Variants in CDH4 observed in about 807,000 individuals in gnomAD.
CDH4 encodes the protein cadherin-4.
A neutral mutation model predicts 86.0 loss-of-function variants in CDH4; 33 were observed. The ratio of observed to expected loss-of-function variants is 0.38; its 90% confidence interval spans 0.29 to 0.51. The LOEUF (loss-of-function observed/expected upper bound fraction) is 0.51, where lower values mean the gene tolerates loss of function less well. CDH4 is among the 20% of genes least tolerant of loss of function. The pLI is 0.86. For missense variants in CDH4, 1,114 were observed against 1,307.4 expected, an observed-to-expected ratio of 0.85 and a Z score of 2.28; for synonymous variants, 555 against 549.4, an observed-to-expected ratio of 1.01 and a Z score of -0.14.
chr20:61,477,747 C>CTGAG (rs1424342055), intron 2 of CDH4, among the ~76,000 whole-genome samples: 1 of 152,206 alleles, frequency 6.6e-6, no homozygotes, highest in Non-Finnish European at 1.5e-5. Context: ...TGTCTTTTCC[C>CTGAG]TGAGGGAGAA....
intron 6 of CDH4, among the ~76,000 whole-genome samples, chr20:61,855,285 G>C (rs1456111273): frequency 1.3e-5 from 2 of 152,322 alleles, no homozygotes. Flanking sequence ...TTGCACCCTT[G>C]ATTGGTTGTC....
intron 2 of CDH4, among the ~76,000 whole-genome samples, chr20:61,296,201 T>TGA (rs894738960): frequency 6.6e-6 from 1 of 151,490 alleles, no homozygotes; most frequent in Non-Finnish European, 1.5e-5. Context: ...TGTGTGTGTG[T>TGA]GAGAGAGAGA....
At position 61,817,384 on chromosome 20, in the gene CDH4, G is replaced by C. The variant is rs757563480; in HGVS notation, c.577-27284G>C. Among the ~76,000 whole-genome samples the C allele has an allele frequency of 3.3e-5, 5 of 152,268 alleles. No individual in the cohort carries two copies. In the East Asian group the frequency reaches 9.7e-4, roughly 29 times the overall value. The stretch of plus-strand genomic sequence containing the variant: ...CTCTGGGCTTAGCCTACCCAGATCC[G>C]AGCTCTGCCTTGTTCCCAGTTGGTC... On this transcript the variant is annotated intron_variant, in intron 4 of 15. Transcript: ENST00000614565.
chr20:61,397,288 C>G (rs1204528163), intron 2 of CDH4, among the ~76,000 whole-genome samples: 1 of 152,082 alleles, frequency 6.6e-6, no homozygotes, highest in Admixed American at 6.6e-5. Context: ...AAGTTTCTTG[C>G]GACGAATGGA....
intron 2 of CDH4, among the ~76,000 whole-genome samples, chr20:61,565,177 G>GAT (rs2086263718): frequency 1.0e-5 from 1 of 96,378 alleles, no homozygotes; most frequent in Non-Finnish European, 2.2e-5. Context: ...ATGGGGTGGT[G>GAT]GTGGTGGTGG....
At chr20:61,425,649 C>T (rs1000928062) in intron 2 of CDH4, among the ~76,000 whole-genome samples, 16 of 152,328 alleles carry the variant, frequency 1.1e-4, no homozygotes, top group East Asian at 5.8e-4. Flanking sequence ...ACCCGGGTGA[C>T]GGCGCAGCCT....
intron 2 of CDH4, among the ~76,000 whole-genome samples, chr20:61,307,180 G>A (rs775769185): frequency 1.8e-4 from 27 of 152,204 alleles, no homozygotes; most frequent in African/African-American, 5.3e-4. Flanking sequence ...TGCTGAGGTC[G>A]GGGATGCAAA....
chr20:61,909,281 G>A (rs992857562), intron 8 of CDH4, among the ~76,000 whole-genome samples: 1 of 152,182 alleles, frequency 6.6e-6, no homozygotes, highest in Non-Finnish European at 1.5e-5. Flanking sequence ...ATCACAGAGC[G>A]CTGCTCAGCC....
At chr20:61,668,976 A>G (rs985481184) in intron 2 of CDH4, among the ~76,000 whole-genome samples, 11 of 152,190 alleles carry the variant, frequency 7.2e-5, no homozygotes, top group Admixed American at 1.3e-4. Context: ...CTGGGAAGCC[A>G]GTGGGACAGG....
At position 61,866,536 on chromosome 20, in the gene CDH4, T is replaced by TGTGCGCCCAGAC. The variant is rs1366839960; in HGVS notation, c.878-7192_878-7191insGTGCGCCCAGAC. On this transcript the variant is annotated intron_variant, in intron 6 of 15. Coordinates refer to ENST00000614565, the MANE Select transcript of CDH4 (RefSeq NM_001794.5). ...TTGCACATTTGACATGTGGAAAATG[T>TGTGCGCCCAGAC]CTTCCTTTCATTTCTTTGATCAATA... is the stretch of plus-strand genomic sequence containing the variant. Among the ~76,000 whole-genome samples the TGTGCGCCCAGAC allele has an allele frequency of 7.2e-5, 11 of 152,314 alleles. No homozygotes were observed. The East Asian group carries it at 1.5e-3, about 21-fold the overall frequency.
chr20:61,314,307 A>T (rs1489734115), intron 2 of CDH4, among the ~76,000 whole-genome samples: 1 of 152,164 alleles, frequency 6.6e-6, no homozygotes, highest in Non-Finnish European at 1.5e-5. Flanking sequence ...CCATTGTTCT[A>T]TTCTCTGCTT....
intron 2 of CDH4, among the ~76,000 whole-genome samples, chr20:61,519,610 G>A (rs796586847): frequency 1.7e-4 from 26 of 152,366 alleles, no homozygotes; most frequent in African/African-American, 5.5e-4. Context: ...AGGGCTCATA[G>A]CACTGGCCAG....
chr20:61,347,811 A>G (rs989453643), intron 2 of CDH4, among the ~76,000 whole-genome samples: 2 of 152,202 alleles, frequency 1.3e-5, no homozygotes, highest in African/African-American at 4.8e-5. Context: ...CTTCAACTTC[A>G]GCTGATTTGA....
intron 7 of CDH4, among the ~76,000 whole-genome samples, chr20:61,875,532 G>A (rs148364779): frequency 9.8e-5 from 15 of 152,308 alleles, no homozygotes; most frequent in South Asian, 2.1e-4. Context: ...GGCAGGCAGC[G>A]TGAGGGCTGG....
At chr20:61,369,306 C>A (rs2084827100) in intron 2 of CDH4, among the ~76,000 whole-genome samples, 1 of 151,730 alleles carries the variant, frequency 6.6e-6, no homozygotes, top group Non-Finnish European at 1.5e-5. Flanking sequence ...CAAAAATTAG[C>A]CAGGTGTGGT....
intron 3 of CDH4, among the ~76,000 whole-genome samples, chr20:61,751,138 G>T (rs1350561428): frequency 1.3e-5 from 2 of 152,184 alleles, no homozygotes; most frequent in Non-Finnish European, 2.9e-5. Context: ...TAATGGAAAT[G>T]GAAAGGGCGA....
At chr20:61,886,165 G>C (rs1984530391) in intron 7 of CDH4, among the ~76,000 whole-genome samples, 1 of 152,218 alleles carries the variant, frequency 6.6e-6, no homozygotes, top group Non-Finnish European at 1.5e-5. Context: ...ACCATCCCTA[G>C]ATGGTGGCTG....
At chr20:61,885,830 C>T (rs907594177) in intron 7 of CDH4, among the ~76,000 whole-genome samples, 5 of 152,172 alleles carry the variant, frequency 3.3e-5, no homozygotes, top group African/African-American at 1.2e-4. Flanking sequence ...AGAGCAGGAC[C>T]CAGATCTCTG....
At chr20:61,863,055 G>C (rs926125814) in intron 6 of CDH4, among the ~76,000 whole-genome samples, 1 of 152,204 alleles carries the variant, frequency 6.6e-6, no homozygotes, top group Admixed American at 6.5e-5. Context: ...TCTAGCCTCA[G>C]TGATTTGAAC....
Sources: gnomAD v4.1 joint callset for allele counts (sites outside exome capture counted in the v4.1 genomes callset) on GRCh38, gnomAD v4.1.1 for gene constraint, MANE v1.5 for transcripts, NCBI Gene and HGNC (gene_info 2026-07-23, HGNC 2026-07-21) for gene names.